Variants in AARD observed in about 807,000 individuals in gnomAD.
The protein encoded by AARD is alanine- and arginine-rich domain-containing protein.
AARD carries 9 observed loss-of-function variants against 9.3 expected under a neutral mutation model. The ratio of observed to expected loss-of-function variants is 0.97; its 90% CI spans 0.58 to 1.69. AARD has a LOEUF of 1.69. Ranked by LOEUF, AARD falls within the 40% of genes most tolerant of loss-of-function variation. The probability of loss-of-function intolerance (pLI) is 0.00; values close to 1 mark genes in which losing one functional copy is unlikely to be tolerated. For missense variants in AARD, 236 were observed against 210.3 expected (o/e 1.12, Z -0.76); for synonymous variants, 91 against 93.8 (o/e 0.97, Z 0.17).
At chr8:116,941,847 G>A (rs919310131) in intron 1 of AARD, among the ~76,000 whole-genome samples, 1 of 152,208 alleles carries the variant, frequency 6.6e-6, no homozygotes, top group African/African-American at 2.4e-5. Flanking sequence ...AAATTTGCAA[G>A]TAGTTGATCA....
intron 1 of AARD, among the ~76,000 whole-genome samples, chr8:116,940,933 AGT>A (rs748453327): frequency 1.2e-4 from 19 of 152,210 alleles, no homozygotes; most frequent in Non-Finnish European, 2.6e-4. Flanking sequence ...TTCCTAAGTA[AGT>A]GTGAATTATA....
chr8:116,938,361 G>A lies in AARD; in HGVS notation c.118G>A (p.Gly40Ser), dbSNP rs1242579462. 6 of 1,612,876 alleles carry A rather than the reference G, an allele frequency of 3.7e-6. No individual in the cohort carries two copies. The highest frequency in any genetic ancestry group is 2.2e-5 in the East Asian group (1 of 44,844). ...TCCCGCGTGCGACTTCTTCGGGGAC[G>A]GCAGGAGCACGGACATCCAGGAGGA... ...PRPACDFFGD[G>S]RSTDIQEEAL... is the part of the protein sequence containing the mutation. Residue 40 changes from glycine to serine, a missense_variant, in exon 1 of 2, where the codon GGC (glycine) becomes AGC (serine). Coordinates refer to ENST00000378279, the MANE Select transcript of AARD (RefSeq NM_001025357.3).
Position 116,938,449 on chromosome 8 carries a change from G to A in AARD, c.206G>A (p.Trp69Ter). ...LRRRLTRAFQWAVQRAISRRV... is the reference protein window; with the variant it reads ...LRRRLTRAFQ ...CGACGGCTGACGCGCGCCTTCCAGT[G>A]GGCGGTGCAGCGCGCGATCTCGAGG... is the stretch of plus-strand genomic sequence containing the variant. Residue 69 changes from tryptophan (W) to a stop codon, truncating the protein, a stop_gained, in exon 1 of 2, where the codon TGG becomes TAG. Transcript: ENST00000378279. LOFTEE classifies it high-confidence loss of function. 1 of 1,604,934 alleles carries A rather than the reference G, an allele frequency of 6.2e-7. No individual in the cohort carries two copies. The highest frequency in any genetic ancestry group is 8.5e-7 in the Non-Finnish European group (1 of 1,176,504).
In AARD at chr8:116,938,428, G is replaced by T. The variant is rs773228226; in HGVS notation, c.185G>T (p.Arg62Leu). 1.9e-6 allele frequency: 3 copies of T among 1,610,240 alleles called. No individual in the cohort carries two copies. Among genetic ancestry groups the T allele is most frequent in the Admixed American group, 1.7e-5 (1 of 59,782 alleles). The stretch of plus-strand genomic sequence containing the variant: ...CCGCTGCTGGAGGACCTCAGACGAC[G>T]GCTGACGCGCGCCTTCCAGTGGGCG... ...ASPLLEDLRR[R>L]LTRAFQWAVQ... Residue 62 changes from arginine (R) to leucine (L), a missense_variant, in exon 1 of 2, where the codon CGG becomes CTG. By Grantham distance (102) the Arg-to-Leu change is moderately radical (BLOSUM62 -2). Coordinates refer to ENST00000378279, the MANE Select transcript of AARD (RefSeq NM_001025357.3).
intron 1 of AARD, among the ~76,000 whole-genome samples, chr8:116,939,788 A>C (rs560806098): frequency 6.6e-6 from 1 of 152,360 alleles, no homozygotes; most frequent in African/African-American, 2.4e-5. Context: ...TCTGAGCTGC[A>C]GGGTAGCCGG....
chr8:116,938,545 T>C lies in AARD; in HGVS notation c.302T>C (p.Leu101Pro). The C allele has an allele frequency of 2.1e-6, 3 of 1,444,984 alleles. No individual in the cohort carries two copies. The highest frequency in any genetic ancestry group is 1.8e-6 in the Non-Finnish European group (2 of 1,110,844). 89.5% of individuals were successfully genotyped at this position (1,444,984 alleles called of 1,614,324 possible). A position where few individuals can be genotyped will look rare whatever the true frequency, so the allele number is the denominator to read the frequency against. ...AGCTGGACGGGCGTTGAGGCCACCC[T>C]GGCCAGGCTGCGGGCGGAGCTGGTG... ...EQSWTGVEAT[L>P]ARLRAELVEM... Residue 101 changes from leucine to proline, a missense_variant, in exon 1 of 2, where the codon CTG becomes CCG. By Grantham distance (98) the Leu-to-Pro change is moderately conservative (BLOSUM62 -3). Coordinates refer to ENST00000378279, the MANE Select transcript of AARD (RefSeq NM_001025357.3).
At position 116,942,701 on chromosome 8, in the gene AARD, A is replaced by T; in HGVS notation, c.468A>T (p.Ter156TyrextTer15). ...SPKDDAANPE[*>Y] ...AAGATGATGCTGCGAATCCGGAATA[A>T]AGAAATGCACACGCAAGGGCTGGGC... The change falls in exon 2 of 2, where the codon TAA becomes TAT. Residue 156 changes from the stop codon to tyrosine (Y), a stop_lost. Transcript: ENST00000378279. 6.2e-7 allele frequency: 1 copy of T among 1,613,218 alleles called. No homozygotes were observed. Among genetic ancestry groups the T allele is most frequent in the South Asian group, 1.1e-5 (1 of 91,064 alleles).
chr8:116,938,614 G>A (rs1813705884), intron 1 of AARD, 47 bp downstream of exon 1: 1 of 1,385,724 alleles, frequency 7.2e-7, no homozygotes, highest in Non-Finnish European at 9.3e-7. Context: ...CCCTCTCCCG[G>A]GTCCTCTCCT....
At chr8:116,938,807 C>A (rs955638520) in intron 1 of AARD, 3 of 508,152 alleles carry the variant, frequency 5.9e-6, no homozygotes, top group Non-Finnish European at 9.8e-6. Flanking sequence ...CAAGATGTCT[C>A]CTCCCCAACC....
At chr8:116,938,651 G>A in intron 1 of AARD, 84 bp downstream of exon 1, 1 of 1,375,986 alleles carries the variant, frequency 7.3e-7, no homozygotes, top group Non-Finnish European at 9.3e-7. Context: ...TGGCCGCGTA[G>A]CCCACCCGAC....
chr8:116,938,290 G>A lies in AARD; in HGVS notation c.47G>A (p.Gly16Glu), dbSNP rs528133457. Residue 16 changes from glycine to glutamate, a missense_variant, in exon 1 of 2, where the codon GGG becomes GAG. Physicochemically the swap from Gly to Glu is moderately conservative, Grantham distance 98. Coordinates refer to ENST00000378279, the MANE Select transcript of AARD (RefSeq NM_001025357.3). ...FRRCRERISQ[G>E]LQGLPGRAEL... ...CGCTGCAGAGAGAGAATTTCCCAGG[G>A]GCTCCAGGGACTCCCAGGTAGAGCG... is the stretch of plus-strand genomic sequence containing the variant. 5 of 1,608,164 alleles carry A rather than the reference G, an allele frequency of 3.1e-6. No homozygotes were observed. The highest frequency in any genetic ancestry group is 4.5e-5 in the East Asian group (2 of 44,380).
rs745922081 is a variant in AARD at position 116,940,574 on chromosome 8, C to A, written c.325-1984C>A. Among the ~76,000 whole-genome samples the A allele has an allele frequency of 3.5e-4, 53 of 152,176 alleles. 1 individual carries two copies. The highest frequency in any genetic ancestry group is 6.6e-4 in the Non-Finnish European group (45 of 68,036). On this transcript the variant is annotated intron_variant, in intron 1 of 1. Coordinates refer to ENST00000378279, the MANE Select transcript of AARD (RefSeq NM_001025357.3). ...CATTACCACTAGAAGACTTAGTTTTCAATTTTCGGCTATTAACTGGATTTT... is the reference window on the plus strand; with the variant it reads ...CATTACCACTAGAAGACTTAGTTTTAAATTTTCGGCTATTAACTGGATTTT...
At chr8:116,938,679 A>G (rs1171197427) in intron 1 of AARD, 112 bp downstream of exon 1, 2 of 1,326,186 alleles carry the variant, frequency 1.5e-6, no homozygotes, top group African/African-American at 3.1e-5. Context: ...GGGGCCCCTC[A>G]GGTCTGGACA....
chr8:116,938,565 C>G lies in AARD; in HGVS notation c.322C>G (p.Leu108Val). 1 of 1,420,600 alleles carries G rather than the reference C, an allele frequency of 7.0e-7. No homozygotes were observed. Among genetic ancestry groups the G allele is most frequent in the Non-Finnish European group, 9.1e-7 (1 of 1,098,486 alleles). The allele number at this position is 1,420,600 out of a possible 1,614,324, so 88.0% of individuals were successfully genotyped here. ...EATLARLRAELVEMHFQNHQL... is the reference protein window; with the variant it reads ...EATLARLRAEVVEMHFQNHQL... ...CACCCTGGCCAGGCTGCGGGCGGAG[C>G]TGGTGAGAGAGCGGGCTAGGCGGAC... The change falls in exon 1 of 2, where the codon CTG becomes GTG. Residue 108 changes from leucine to valine, a missense_variant and splice_region_variant. By Grantham distance (32) the Leu-to-Val change is conservative (BLOSUM62 1). Transcript: ENST00000378279.
chr8:116,940,606 A>T lies in AARD; in HGVS notation c.325-1952A>T, dbSNP rs889305511. 6.7e-4 allele frequency among the ~76,000 whole-genome samples: 102 copies of T among 152,168 alleles called. 2 individuals carry two copies. Among genetic ancestry groups the T allele is most frequent in the Non-Finnish European group, 3.2e-4 (22 of 68,028 alleles). On this transcript the variant is annotated intron_variant, in intron 1 of 1. Transcript: ENST00000378279. Reference sequence around the variant, plus strand: ...CGGCTATTAACTGGATTTTTACAGGAACTGACATATATTCCTATACAAGTG... The same window carrying T: ...CGGCTATTAACTGGATTTTTACAGGTACTGACATATATTCCTATACAAGTG...
chr8:116,942,489 A>G, intron 1 of AARD, 69 bp from the exon 2 acceptor site: 3 of 1,309,188 alleles, frequency 2.3e-6, no homozygotes, highest in East Asian at 2.5e-5. Flanking sequence ...TCTTCTGTGT[A>G]GTCAGAGAGT....
intron 1 of AARD, chr8:116,938,768 G>C: frequency 1.4e-6 from 1 of 718,992 alleles, no homozygotes; most frequent in Non-Finnish European, 2.0e-6. Context: ...GGGTGGGGGC[G>C]GGGGTGCCTG....
intron 1 of AARD, 24 bp from the exon 2 acceptor site, chr8:116,942,534 T>G: frequency 1.3e-6 from 2 of 1,585,366 alleles, no homozygotes; most frequent in Non-Finnish European, 1.7e-6. Flanking sequence ...GCTAATAAAA[T>G]TTTTATTTTT....
chr8:116,938,754 T>TG, intron 1 of AARD, 187 bp downstream of exon 1: 2 of 825,294 alleles, frequency 2.4e-6, no homozygotes, highest in Non-Finnish European at 3.4e-6. Flanking sequence ...GGACCCATGG[T>TG]GGGGGGTGGG....
Sources: allele counts gnomAD v4.1 joint callset (sites outside exome capture counted in the v4.1 genomes callset), GRCh38; gene constraint gnomAD v4.1.1; transcripts MANE v1.5; gene names NCBI Gene and HGNC (gene_info 2026-07-23, HGNC 2026-07-21).